The following CMTM8 variants were observed in gnomAD, a reference collection of about 807,000 sequenced individuals.
CMTM8 encodes the protein CKLF like MARVEL transmembrane domain containing 8.
In CMTM8, 12 loss-of-function variants were observed where a neutral mutation model predicts 18.6. The observed-to-expected ratio is 0.65, with a 90% CI of 0.41 to 1.05. The LOEUF (loss-of-function observed/expected upper bound fraction) is 1.05, where lower values mean the gene tolerates loss of function less well. Ranked by LOEUF, CMTM8 falls within the 50% of genes least tolerant of loss-of-function variation. The pLI is 0.00. For missense variants in CMTM8, 217 were observed against 227.2 expected, an observed-to-expected ratio of 0.95 and a Z score of 0.29; for synonymous variants, 87 against 90.6, an observed-to-expected ratio of 0.96 and a Z score of 0.23.
intron 1 of CMTM8, among the ~76,000 whole-genome samples, chr3:32,282,956 C>A (rs919797254): frequency 1.3e-5 from 2 of 152,186 alleles, no homozygotes; most frequent in Non-Finnish European, 2.9e-5. Context: ...ACCCTTATCT[C>A]CTTAGCCTGC....
intron 1 of CMTM8, among the ~76,000 whole-genome samples, chr3:32,269,124 A>G (rs1257707669): frequency 6.6e-6 from 1 of 152,212 alleles, no homozygotes; most frequent in South Asian, 2.1e-4. Context: ...CACTTTAGAG[A>G]CAGAAAGCAG....
chr3:32,273,336 A>G (rs1480647455), intron 1 of CMTM8, among the ~76,000 whole-genome samples: 1 of 152,036 alleles, frequency 6.6e-6, no homozygotes. Flanking sequence ...ATGTGTACAC[A>G]CACACACACA....
In CMTM8 at chr3:32,254,133, A is replaced by G. The variant is rs560544550; in HGVS notation, c.147+15014A>G. ...GGTCTCAAACTCCTGACCTCAGGTAATCCACCCACCTCGGTCTCCCAAAAT... is the reference window on the plus strand; with the variant it reads ...GGTCTCAAACTCCTGACCTCAGGTAGTCCACCCACCTCGGTCTCCCAAAAT... On this transcript the variant is annotated intron_variant, in intron 1 of 3. Transcript: ENST00000307526. Among the ~76,000 whole-genome samples the G allele has an allele frequency of 2.6e-5, 4 of 152,274 alleles. No individual in the cohort carries two copies. The South Asian group carries it at 8.3e-4, about 32-fold the overall frequency.
intron 1 of CMTM8, among the ~76,000 whole-genome samples, chr3:32,354,365 A>G (rs1696771499): frequency 6.6e-6 from 1 of 152,166 alleles, no homozygotes; most frequent in African/African-American, 2.4e-5. Context: ...CTTGGGTAGA[A>G]CAATTCTTTT....
intron 1 of CMTM8, among the ~76,000 whole-genome samples, chr3:32,296,083 C>T (rs1007588092): frequency 3.3e-5 from 5 of 152,116 alleles, no homozygotes; most frequent in African/African-American, 1.2e-4. Flanking sequence ...TGTTGTGTGC[C>T]CCTCCAGCTC....
intron 1 of CMTM8, among the ~76,000 whole-genome samples, chr3:32,292,615 A>AGGCCC (rs1702799311): frequency 5.9e-5 from 9 of 152,080 alleles, no homozygotes; most frequent in Admixed American, 3.9e-4. Context: ...GGATAAACAA[A>AGGCCC]GGATACTGTT....
At chr3:32,243,116 T>C (rs1701964292) in intron 1 of CMTM8, among the ~76,000 whole-genome samples, 1 of 151,280 alleles carries the variant, frequency 6.6e-6, no homozygotes, top group African/African-American at 2.4e-5. Flanking sequence ...TGGTCTCGAA[T>C]TCCTGACCTC....
At chr3:32,351,985 C>T (rs755297107) in intron 1 of CMTM8, among the ~76,000 whole-genome samples, 97 of 151,624 alleles carry the variant, frequency 6.4e-4, no homozygotes, top group Admixed American at 2.0e-3. Flanking sequence ...GAGACCAGCC[C>T]GGCCCACATG....
intron 1 of CMTM8, among the ~76,000 whole-genome samples, chr3:32,284,221 C>G (rs1403531283): frequency 6.6e-6 from 1 of 152,206 alleles, no homozygotes; most frequent in African/African-American, 2.4e-5. Context: ...CCACTGCACT[C>G]CAGCCTGGGC....
At chr3:32,293,244 A>ATCTGTAGC (rs1436707169) in intron 1 of CMTM8, among the ~76,000 whole-genome samples, 3 of 152,026 alleles carry the variant, frequency 2.0e-5, no homozygotes, top group Non-Finnish European at 4.4e-5. Context: ...CTTGTTTCCA[A>ATCTGTAGC]TCTGTAGCTA....
At chr3:32,296,686 A>G (rs553637326) in intron 1 of CMTM8, among the ~76,000 whole-genome samples, 2 of 152,314 alleles carry the variant, frequency 1.3e-5, no homozygotes, top group African/African-American at 4.8e-5. Flanking sequence ...GATGTATTCC[A>G]CAGGAATGGC....
chr3:32,342,372 A>G (rs759985147), intron 1 of CMTM8, among the ~76,000 whole-genome samples: 3 of 152,250 alleles, frequency 2.0e-5, no homozygotes, highest in East Asian at 3.8e-4. Context: ...GCTTGGGTAC[A>G]TAGGTCCTCG....
chr3:32,307,813 T>G (rs1481870071), intron 1 of CMTM8, among the ~76,000 whole-genome samples: 1 of 152,152 alleles, frequency 6.6e-6, no homozygotes, highest in African/African-American at 2.4e-5. Context: ...AGAATTTGCA[T>G]TCTAACAAGC....
At chr3:32,287,283 C>T (rs1702704811) in intron 1 of CMTM8, among the ~76,000 whole-genome samples, 1 of 152,156 alleles carries the variant, frequency 6.6e-6, no homozygotes. Context: ...ATTTACTCCT[C>T]TGAATTTGAA....
chr3:32,306,379 T>C lies in CMTM8; in HGVS notation c.148-50994T>C, dbSNP rs532562253. Among the ~76,000 whole-genome samples, 27 of 152,326 alleles carry C rather than the reference T, an allele frequency of 1.8e-4. No individual in the cohort carries two copies. In the South Asian group the frequency reaches 4.8e-3, roughly 27 times the overall value. On this transcript the variant is annotated intron_variant, in intron 1 of 3. Transcript: ENST00000307526. ...GCACGAGTCCAATCCACAAATCCAG[T>C]CTGGATTCAAAGTGTGGGGAAATAG...
chr3:32,251,715 ACT>A (rs1225951893), intron 1 of CMTM8, among the ~76,000 whole-genome samples: 1 of 152,106 alleles, frequency 6.6e-6, no homozygotes, highest in Non-Finnish European at 1.5e-5. Flanking sequence ...TCTGGGCATT[ACT>A]TAGCTAAACA....
At chr3:32,255,150 A>G (rs1702160805) in intron 1 of CMTM8, among the ~76,000 whole-genome samples, 2 of 152,034 alleles carry the variant, frequency 1.3e-5, no homozygotes, top group Non-Finnish European at 2.9e-5. Flanking sequence ...GAAATACCAC[A>G]TTTTATTCAT....
intron 1 of CMTM8, among the ~76,000 whole-genome samples, chr3:32,356,530 C>G (rs1041778741): frequency 6.6e-6 from 1 of 152,184 alleles, no homozygotes; most frequent in African/African-American, 2.4e-5. Flanking sequence ...TACTTGTCAG[C>G]AGTTGGATGA....
chr3:32,282,468 C>T (rs939134466), intron 1 of CMTM8, among the ~76,000 whole-genome samples: 2 of 151,622 alleles, frequency 1.3e-5, no homozygotes, highest in African/African-American at 4.8e-5. Flanking sequence ...GGTGATTTGG[C>T]GATATTAGAA....
Sources: gnomAD v4.1 joint callset for allele counts (sites outside exome capture counted in the v4.1 genomes callset) on GRCh38, gnomAD v4.1.1 for gene constraint, MANE v1.5 for transcripts, NCBI Gene and HGNC (gene_info 2026-07-23, HGNC 2026-07-21) for gene names.